The following SLC25A22 variants were observed in gnomAD, a reference collection of about 807,000 sequenced individuals.
The protein encoded by SLC25A22 is solute carrier family 25 member 22.
A neutral mutation model predicts 33.7 loss-of-function variants in SLC25A22; 23 were observed. That is an observed-to-expected ratio of 0.68 (90% CI 0.49 to 0.97). The LOEUF (loss-of-function observed/expected upper bound fraction) is 0.97, where lower values mean the gene tolerates loss of function less well. SLC25A22 is among the 50% of genes least tolerant of loss of function. The probability of loss-of-function intolerance (pLI) is 0.00; values close to 1 mark genes in which losing one functional copy is unlikely to be tolerated. For missense variants in SLC25A22, 390 were observed against 451.1 expected (o/e 0.86, Z 1.23); for synonymous variants, 245 against 203.8 (o/e 1.20, Z -1.72).
intron 1 of SLC25A22, chr11:795,407 A>G (rs1022269184): frequency 3.0e-5 from 9 of 300,192 alleles, no homozygotes; most frequent in Non-Finnish European, 5.5e-5. Context: ...AGCCAGCCTC[A>G]CACGCCGCTC....
At chr11:797,048 C>T (rs865885873) in intron 1 of SLC25A22, among the ~76,000 whole-genome samples, 34 of 152,300 alleles carry the variant, frequency 2.2e-4, no homozygotes, top group Middle Eastern at 6.8e-3. Flanking sequence ...GTACCCTGGC[C>T]CTCCAGGGAC....
In SLC25A22 at chr11:795,075, T is replaced by C; in HGVS notation, c.-69A>G. 1 of 1,386,776 alleles carries C rather than the reference T, an allele frequency of 7.2e-7. No individual in the cohort carries two copies. The highest frequency in any genetic ancestry group is 9.7e-7 in the Non-Finnish European group (1 of 1,035,532). 85.9% of individuals were successfully genotyped at this position (1,386,776 alleles called of 1,614,324 possible). On this transcript the variant is annotated 5_prime_UTR_variant, in exon 2 of 10. Coordinates refer to ENST00000628067, the MANE Select transcript of SLC25A22 (RefSeq NM_001191061.2). ...AGGCCAGGCGGGGTGGAGGTGGAGGTGGAGGAGGCCTTGAGGGAGGGTGGG... is the reference window on the plus strand; with the variant it reads ...AGGCCAGGCGGGGTGGAGGTGGAGGCGGAGGAGGCCTTGAGGGAGGGTGGG...
chr11:791,717 T>C lies in SLC25A22; in HGVS notation c.*198A>G. On this transcript the variant is annotated 3_prime_UTR_variant, in exon 10 of 10. Coordinates refer to ENST00000628067, the MANE Select transcript of SLC25A22 (RefSeq NM_001191061.2). ...CTGCATTTTCTACATAAATGAGACA[T>C]TGATCCCAACGGTGCAGGCAGCACC... The C allele has an allele frequency of 1.5e-6, 1 of 659,180 alleles. No individual in the cohort carries two copies. Among genetic ancestry groups the C allele is most frequent in the East Asian group, 2.7e-5 (1 of 36,450 alleles). The allele number at this position is 659,180 out of a possible 1,614,324, so 40.8% of individuals were successfully genotyped here. A position where few individuals can be genotyped will look rare whatever the true frequency, so the allele number is the denominator to read the frequency against.
chr11:796,308 C>T (rs1441420995), intron 1 of SLC25A22: 2 of 49,258 alleles, frequency 4.1e-5, no homozygotes, highest in East Asian at 5.2e-4. Context: ...CGGGGTGGGG[C>T]GGGCTTGGGT....
At position 792,979 on chromosome 11, in the gene SLC25A22, C is replaced by A. The variant is rs765319180; in HGVS notation, c.303G>T (p.Leu101=). The part of the protein sequence containing the change: ...RHQLSKDGQK[L]TLLKEMLAGC... ...CCGCCAGCATCTCTTTAAGCAGGGT[C>A]AGCTTCTGCCTGTGGTAGGGGCGGG... Residue 101 remains leucine, a synonymous_variant, in exon 6 of 10, where the codon CTG becomes CTT. Coordinates refer to ENST00000628067, the MANE Select transcript of SLC25A22 (RefSeq NM_001191061.2). The A allele has an allele frequency of 6.2e-7, 1 of 1,613,438 alleles. No homozygotes were observed. The highest frequency in any genetic ancestry group is 1.3e-5 in the African/African-American group (1 of 75,056).
rs1200277831 is a variant in SLC25A22, at chr11:794,977, G to A, written c.20+10C>T. On this transcript the variant is annotated intron_variant, in intron 2 of 9. Coordinates refer to ENST00000628067, the MANE Select transcript of SLC25A22 (RefSeq NM_001191061.2). ...GGGGGTGAGGCACGCAGCCAGGACT[G>A]GAGTCTGACCTGATCTGCTTATCAG... 6.4e-7 allele frequency: 1 copy of A among 1,560,850 alleles called. No individual in the cohort carries two copies.
chr11:793,109 T>C, intron 5 of SLC25A22, 121 bp from the exon 6 acceptor site: 5 of 929,660 alleles, frequency 5.4e-6, no homozygotes, highest in Non-Finnish European at 8.4e-6. Flanking sequence ...TGCAGGCCTG[T>C]GGGGGTACAG....
chr11:795,378 C>G lies in SLC25A22; in HGVS notation c.-163-209G>C, dbSNP rs894599092. 5.0e-4 allele frequency: 180 copies of G among 360,928 alleles called. 15 individuals are homozygous for G. The highest frequency in any genetic ancestry group is 2.9e-3 in the South Asian group (109 of 36,970). 22.4% of individuals were successfully genotyped at this position (360,928 alleles called of 1,614,324 possible). A position where few individuals can be genotyped will look rare whatever the true frequency, so the allele number is the denominator to read the frequency against. On this transcript the variant is annotated intron_variant, in intron 1 of 9. Coordinates refer to ENST00000628067, the MANE Select transcript of SLC25A22 (RefSeq NM_001191061.2). ...TGGCTTCCTTTCAGTCCCCCCCTCCCCACCGCCAGCGTCTTCCCAGCCAGC... is the reference window on the plus strand; with the variant it reads ...TGGCTTCCTTTCAGTCCCCCCCTCCGCACCGCCAGCGTCTTCCCAGCCAGC...
intron 1 of SLC25A22, 130 bp downstream of exon 1, chr11:798,087 C>T (rs561741753): frequency 7.0e-5 from 28 of 398,264 alleles, no homozygotes; most frequent in Admixed American, 1.3e-4. Flanking sequence ...CAGGACCCCC[C>T]CTCCCGCCCG....
At position 793,653 on chromosome 11, in the gene SLC25A22, T is replaced by C; in HGVS notation, c.203-34A>G. On this transcript the variant is annotated intron_variant, in intron 4 of 9. Coordinates refer to ENST00000628067, the MANE Select transcript of SLC25A22 (RefSeq NM_001191061.2). The stretch of plus-strand genomic sequence containing the variant: ...CAGGGGGTCAGCTGGGGGGACATGC[T>C]CGGTGGCCTGAGTGGGGAGGCGCTT... The C allele has an allele frequency of 2.0e-6, 3 of 1,513,244 alleles. No individual in the cohort carries two copies. The South Asian group carries it at 3.4e-5, about 17-fold the overall frequency. 93.7% of individuals were successfully genotyped at this position (1,513,244 alleles called of 1,614,324 possible). A position where few individuals can be genotyped will look rare whatever the true frequency, so the allele number is the denominator to read the frequency against.
intron 4 of SLC25A22, 75 bp downstream of exon 4, chr11:794,383 C>A: frequency 6.4e-7 from 1 of 1,551,770 alleles, no homozygotes; most frequent in South Asian, 1.2e-5. Flanking sequence ...CCCTGCCTCC[C>A]CCACCGCTCC....
In SLC25A22 at chr11:796,808, G is replaced by A. The variant is rs144672493; in HGVS notation, c.-164+1409C>T. Reference sequence around the variant, plus strand: ...CCTGGCAGGTCCAGAGGGCACACGAGCTGGCATGCCCAGAGCCCTCTGCCC... The same window carrying A: ...CCTGGCAGGTCCAGAGGGCACACGAACTGGCATGCCCAGAGCCCTCTGCCC... On this transcript the variant is annotated intron_variant, in intron 1 of 9. Transcript: ENST00000628067. Among the ~76,000 whole-genome samples the A allele has an allele frequency of 5.9e-5, 9 of 152,324 alleles. No individual in the cohort carries two copies. The East Asian group carries it at 1.7e-3, about 29-fold the overall frequency.
Position 794,968 on chromosome 11 carries a change from G to GC in SLC25A22, c.20+18dup, listed in dbSNP as rs796053236. On this transcript the variant is annotated intron_variant, in intron 2 of 9. Transcript: ENST00000628067. Reference sequence around the variant, plus strand: ...GGTCAGGGTGGGGGTGAGGCACGCAGCCAGGACTGGAGTCTGACCTGATCT... The same window carrying GC: ...GGTCAGGGTGGGGGTGAGGCACGCAGCCCAGGACTGGAGTCTGACCTGATCT... 3.0e-4 allele frequency: 462 copies of GC among 1,561,288 alleles called. 3 individuals are homozygous for GC. Among genetic ancestry groups the GC allele is most frequent in the Non-Finnish European group, 6.0e-5 (69 of 1,152,906 alleles).
chr11:794,366 C>T (rs548867282), intron 4 of SLC25A22, 92 bp downstream of exon 4: 20 of 1,457,132 alleles, frequency 1.4e-5, no homozygotes, highest in African/African-American at 4.2e-5. Flanking sequence ...CCAGGCTGGC[C>T]GCCCTGCCCT....
Position 792,025 on chromosome 11 carries a change from C to T in SLC25A22, c.862G>A (p.Ala288Thr), listed in dbSNP as rs767700596. ...HEGPSAFLKG[A>T]YCRALVIAPL... ...GCGATGACCAGCGCGCGGCAGTAGGCGCCCTTCAGGAAGGCCGAGGGGCCC... is the reference window on the plus strand; with the variant it reads ...GCGATGACCAGCGCGCGGCAGTAGGTGCCCTTCAGGAAGGCCGAGGGGCCC... Residue 288 changes from alanine to threonine, a missense_variant, in exon 10 of 10, where the codon GCC becomes ACC. Physicochemically the swap from Ala to Thr is moderately conservative, Grantham distance 58. Coordinates refer to ENST00000628067, the MANE Select transcript of SLC25A22 (RefSeq NM_001191061.2). The T allele has an allele frequency of 5.0e-6, 8 of 1,604,388 alleles. No homozygotes were observed. Among genetic ancestry groups the T allele is most frequent in the Middle Eastern group, 1.7e-4 (1 of 5,870 alleles).
intron 1 of SLC25A22, chr11:796,269 G>A (rs941684436): frequency 6.6e-6 from 1 of 151,982 alleles, no homozygotes; most frequent in East Asian, 1.9e-4. Context: ...GGGGGAGGAG[G>A]CGAGGGGCCG....
In SLC25A22 at chr11:792,714, C is replaced by G. The variant is rs1337940425; in HGVS notation, c.426G>C (p.Lys142Asn). 1 of 1,549,032 alleles carries G rather than the reference C, an allele frequency of 6.5e-7. No homozygotes were observed. The highest frequency in any genetic ancestry group is 8.7e-7 in the Non-Finnish European group (1 of 1,151,220). ...AGAGCTGGCCCTGGGCAGCCAGGAT[C>G]TTCCTCTGGGCGGCTGGGGACAAAG... Reference protein sequence around the residue: ...QDAGRIAAQRKILAAQGQLSA... With the variant: ...QDAGRIAAQRNILAAQGQLSA... The change falls in exon 7 of 10, where the codon AAG (lysine) becomes AAC (asparagine). Residue 142 changes from lysine (K) to asparagine (N), a missense_variant. By Grantham distance (94) the Lys-to-Asn change is moderately conservative. Coordinates refer to ENST00000628067, the MANE Select transcript of SLC25A22 (RefSeq NM_001191061.2).
At chr11:796,152 C>G (rs1319698547) in intron 1 of SLC25A22, 1 of 153,270 alleles carries the variant, frequency 6.5e-6, no homozygotes, top group African/African-American at 2.4e-5. Context: ...CACCGACCCC[C>G]GCTCCGCCAC....
chr11:795,544 C>T, intron 1 of SLC25A22: 1 of 298,120 alleles, frequency 3.4e-6, no homozygotes, highest in Non-Finnish European at 6.7e-6. Flanking sequence ...GCTGTGGTGA[C>T]CATCCCCCAC....
Sources: allele counts gnomAD v4.1 joint callset (sites outside exome capture counted in the v4.1 genomes callset), GRCh38; gene constraint gnomAD v4.1.1; transcripts MANE v1.5; gene names NCBI Gene and HGNC (gene_info 2026-07-23, HGNC 2026-07-21).